The following NPFFR2 variants were observed in gnomAD, a reference collection of about 807,000 sequenced individuals.
The protein encoded by NPFFR2 is neuropeptide FF receptor 2.
A neutral mutation model predicts 13.1 loss-of-function variants in NPFFR2; 15 were observed. The observed-to-expected ratio is 1.15, with a 90% CI of 0.77 to 1.76. NPFFR2 has a LOEUF of 1.76. NPFFR2 is among the 40% of genes most tolerant of loss of function. The pLI is 0.00. For synonymous variants in NPFFR2, 190 were observed against 175.7 expected, an observed-to-expected ratio of 1.08 and a Z score of -0.65; for missense variants, 572 against 503.5, an observed-to-expected ratio of 1.14 and a Z score of -1.30.
rs540629382 is a variant in NPFFR2, at chr4:72,048,041, A to G, written c.-8+15841A>G. Among the ~76,000 whole-genome samples the G allele has an allele frequency of 2.0e-5, 3 of 152,254 alleles. No individual in the cohort carries two copies. The South Asian group carries it at 6.2e-4, about 32-fold the overall frequency. ...CTTCGTATATATTACAGTTCATATC[A>G]TATTATGTGTGTATGTATTACACAC... On this transcript the variant is annotated intron_variant, in intron 1 of 3. Transcript: ENST00000308744.
chr4:72,049,776 T>G (rs974394469), intron 1 of NPFFR2, among the ~76,000 whole-genome samples: 1 of 151,320 alleles, frequency 6.6e-6, no homozygotes, highest in African/African-American at 2.5e-5. Context: ...CCAGACCTCC[T>G]GAAACTCTTG....
chr4:72,052,626 A>G (rs4320108), intron 1 of NPFFR2, among the ~76,000 whole-genome samples: 135,552 of 152,028 alleles, frequency 0.89, 61,531 homozygotes, highest in Non-Finnish European at 0.98. Context: ...ATTCTTTGAG[A>G]TATTTTGAAA....
At chr4:72,122,256 G>A (rs1288343048) in intron 1 of NPFFR2, among the ~76,000 whole-genome samples, 1 of 152,122 alleles carries the variant, frequency 6.6e-6, no homozygotes, top group Non-Finnish European at 1.5e-5. Flanking sequence ...CATAAAACAA[G>A]TTCTTAGACA....
intron 1 of NPFFR2, among the ~76,000 whole-genome samples, chr4:72,050,357 A>G (rs1352829551): frequency 1.3e-5 from 2 of 152,044 alleles, no homozygotes; most frequent in South Asian, 2.1e-4. Flanking sequence ...AAGGGCATTC[A>G]AAAGTTAAAC....
intron 2 of NPFFR2, among the ~76,000 whole-genome samples, chr4:72,133,989 G>A (rs929203353): frequency 2.6e-5 from 4 of 152,142 alleles, no homozygotes; most frequent in African/African-American, 9.7e-5. Flanking sequence ...CCTTGGCCAG[G>A]CAGAGTGGCT....
intron 1 of NPFFR2, among the ~76,000 whole-genome samples, chr4:72,066,433 C>T (rs1166961230): frequency 6.6e-6 from 1 of 152,018 alleles, no homozygotes; most frequent in Non-Finnish European, 1.5e-5. Flanking sequence ...TTCCCATAGC[C>T]CCTAAAGTAT....
intron 1 of NPFFR2, among the ~76,000 whole-genome samples, chr4:72,094,402 G>A (rs549960545): frequency 9.2e-5 from 14 of 152,230 alleles, no homozygotes; most frequent in Admixed American, 9.2e-4. Flanking sequence ...CGGTGTGTGG[G>A]GCCATGGAGC....
At chr4:72,130,679 G>A (rs1722208405) in intron 2 of NPFFR2, among the ~76,000 whole-genome samples, 1 of 152,116 alleles carries the variant, frequency 6.6e-6, no homozygotes. Flanking sequence ...CAGGTGAGAG[G>A]GTGCAGGAGC....
At chr4:72,089,120 T>C (rs929986486) in intron 1 of NPFFR2, among the ~76,000 whole-genome samples, 3 of 152,162 alleles carry the variant, frequency 2.0e-5, no homozygotes, top group African/African-American at 7.2e-5. Context: ...CTTAAAATAA[T>C]GGTTTTCAAT....
At chr4:72,133,533 G>T (rs1392490513) in intron 2 of NPFFR2, among the ~76,000 whole-genome samples, 3 of 152,062 alleles carry the variant, frequency 2.0e-5, no homozygotes, top group African/African-American at 7.2e-5. Context: ...AATTTTTCTA[G>T]TTCTGTAAAG....
chr4:72,121,464 T>C (rs1049951936), intron 1 of NPFFR2, among the ~76,000 whole-genome samples: 2 of 150,796 alleles, frequency 1.3e-5, no homozygotes, highest in African/African-American at 4.9e-5. Flanking sequence ...TTCACTGAGG[T>C]TGAAATGAAG....
chr4:72,047,941 T>G (rs1719423283), intron 1 of NPFFR2, among the ~76,000 whole-genome samples: 1 of 152,114 alleles, frequency 6.6e-6, no homozygotes, highest in Non-Finnish European at 1.5e-5. Context: ...CTAGGGACTG[T>G]GGGCAAGGAG....
intron 1 of NPFFR2, among the ~76,000 whole-genome samples, chr4:72,076,042 C>G (rs1720427255): frequency 7.0e-6 from 1 of 142,604 alleles, no homozygotes; most frequent in Non-Finnish European, 1.5e-5. Context: ...CAAGCCAAAG[C>G]AGGAAGGAAC....
At chr4:72,054,915 A>G (rs918298727) in intron 1 of NPFFR2, among the ~76,000 whole-genome samples, 10 of 151,916 alleles carry the variant, frequency 6.6e-5, no homozygotes, top group African/African-American at 2.4e-4. Context: ...CATCATCCTC[A>G]ACAAGGGTGA....
intron 1 of NPFFR2, among the ~76,000 whole-genome samples, chr4:72,054,385 G>T (rs1291164858): frequency 1.3e-5 from 2 of 151,536 alleles, no homozygotes; most frequent in African/African-American, 4.8e-5. Flanking sequence ...AATTAGAAAA[G>T]GTTAATCTTT....
intron 1 of NPFFR2, among the ~76,000 whole-genome samples, chr4:72,126,358 G>A (rs1308481966): frequency 6.6e-6 from 1 of 152,224 alleles, no homozygotes; most frequent in Non-Finnish European, 1.5e-5. Context: ...CACCAACAGT[G>A]TGGGGAGGTC....
chr4:72,100,779 A>G (rs1721219668), intron 1 of NPFFR2, among the ~76,000 whole-genome samples: 1 of 152,114 alleles, frequency 6.6e-6, no homozygotes, highest in African/African-American at 2.4e-5. Flanking sequence ...TAATAACATA[A>G]TAATTGAACA....
intron 1 of NPFFR2, among the ~76,000 whole-genome samples, chr4:72,104,260 C>T (rs970089311): frequency 6.6e-6 from 1 of 152,040 alleles, no homozygotes; most frequent in Non-Finnish European, 1.5e-5. Context: ...CAGATGTAAG[C>T]TCTCCTTGAT....
chr4:72,034,827 T>C (rs978845825), intron 1 of NPFFR2, among the ~76,000 whole-genome samples: 2 of 152,180 alleles, frequency 1.3e-5, no homozygotes, highest in Admixed American at 6.6e-5. Flanking sequence ...GAAATGGAAA[T>C]ATACTGCCCA....
Sources: gnomAD v4.1 joint callset for allele counts (sites outside exome capture counted in the v4.1 genomes callset) on GRCh38, gnomAD v4.1.1 for gene constraint, MANE v1.5 for transcripts, NCBI Gene and HGNC (gene_info 2026-07-23, HGNC 2026-07-21) for gene names.